Variants in PRR16 observed in about 807,000 individuals in gnomAD.
The protein encoded by PRR16 is protein Largen.
PRR16 carries 6 observed loss-of-function variants against 18.2 expected under a neutral mutation model. The ratio of observed to expected loss-of-function variants is 0.33; its 90% CI spans 0.18 to 0.65. The LOEUF (loss-of-function observed/expected upper bound fraction) is 0.65. PRR16 is among the 30% of genes least tolerant of loss of function. The pLI, the probability that PRR16 is intolerant of heterozygous loss-of-function variation, is 0.74. For missense variants in PRR16, 412 were observed against 376.6 expected (o/e 1.09, Z -0.78); for synonymous variants, 151 against 147.8 (o/e 1.02, Z -0.16).
chr5:120,639,607 T>C (rs1389262369), intron 1 of PRR16, among the ~76,000 whole-genome samples: 1 of 151,858 alleles, frequency 6.6e-6, no homozygotes, highest in African/African-American at 2.4e-5. Context: ...CTCATACCAG[T>C]CAGAATGGCT....
chr5:120,783,269 G>A, the PRR16 span, among the ~76,000 whole-genome samples: 18 of 152,204 alleles, frequency 1.2e-4, no homozygotes, highest in East Asian at 9.6e-4. Context: ...GAAATGAAAC[G>A]TTTTTTCTAA....
chr5:120,550,468 C>T (rs868228880), intron 1 of PRR16, among the ~76,000 whole-genome samples: 1 of 152,028 alleles, frequency 6.6e-6, no homozygotes, highest in Non-Finnish European at 1.5e-5. Flanking sequence ...AGCAGCTACA[C>T]TCCTATTCCA....
intron 1 of PRR16, among the ~76,000 whole-genome samples, chr5:120,528,223 T>C (rs1385113989): frequency 6.6e-6 from 1 of 152,130 alleles, no homozygotes; most frequent in East Asian, 1.9e-4. Context: ...AAATATGTCA[T>C]CAACCAGGAC....
intron 1 of PRR16, among the ~76,000 whole-genome samples, chr5:120,608,936 C>T (rs1352658995): frequency 6.6e-6 from 1 of 152,120 alleles, no homozygotes; most frequent in African/African-American, 2.4e-5. Flanking sequence ...AGAAAGGTGT[C>T]CCAAAGAGGG....
chr5:120,500,345 C>G (rs1381172667), intron 1 of PRR16, among the ~76,000 whole-genome samples: 3 of 152,248 alleles, frequency 2.0e-5, no homozygotes, highest in Admixed American at 1.3e-4. Context: ...CTTGAAGTCC[C>G]TAGCTTGTCT....
At chr5:120,659,894 T>C (rs997639724) in intron 1 of PRR16, among the ~76,000 whole-genome samples, 8 of 152,024 alleles carry the variant, frequency 5.3e-5, no homozygotes, top group Admixed American at 4.6e-4. Flanking sequence ...TGAAACACCT[T>C]CACATTTTGG....
intron 1 of PRR16, among the ~76,000 whole-genome samples, chr5:120,516,515 G>A (rs897344081): frequency 2.9e-4 from 34 of 117,264 alleles, no homozygotes; most frequent in East Asian, 2.0e-3. Context: ...ACACACACAC[G>A]CATATACATT....
At chr5:120,541,876 C>G (rs1172001425) in intron 1 of PRR16, among the ~76,000 whole-genome samples, 1 of 151,906 alleles carries the variant, frequency 6.6e-6, no homozygotes, top group African/African-American at 2.4e-5. Context: ...TTCCTATTCT[C>G]TTGATCATTT....
intron 1 of PRR16, among the ~76,000 whole-genome samples, chr5:120,542,608 A>C (rs1175971522): frequency 6.6e-6 from 1 of 152,176 alleles, no homozygotes; most frequent in Non-Finnish European, 1.5e-5. Context: ...TAAAAACAAA[A>C]ACAGACAAAA....
rs1430481412 is a variant in PRR16, at chr5:120,546,377, C to G, written c.159+81732C>G. On this transcript the variant is annotated intron_variant, in intron 1 of 1. Transcript: ENST00000407149. ...AGTTGTTGCTCCATAGTGCTCCCTCCCTACCACTCAAAGTCTCTCCCCAGT... is the reference window on the plus strand; with the variant it reads ...AGTTGTTGCTCCATAGTGCTCCCTCGCTACCACTCAAAGTCTCTCCCCAGT... Among the ~76,000 whole-genome samples, 3 of 152,030 alleles carry G rather than the reference C, an allele frequency of 2.0e-5. No individual in the cohort carries two copies. In the East Asian group the frequency reaches 5.8e-4, roughly 29 times the overall value.
At chr5:120,754,560 TATATA>T in the PRR16 span, among the ~76,000 whole-genome samples, 33 of 66,550 alleles carry the variant, frequency 5.0e-4, no homozygotes, top group Middle Eastern at 0.015. Context: ...TAATATATAT[TATATA>T]ATATATTTAT....
intron 1 of PRR16, among the ~76,000 whole-genome samples, chr5:120,586,184 A>AG (rs1213556621): frequency 1.3e-5 from 2 of 151,718 alleles, no homozygotes; most frequent in Non-Finnish European, 2.9e-5. Flanking sequence ...AAAAAAAAAA[A>AG]TATGTTTTTG....
chr5:120,688,744 C>T (rs572903306), downstream of PRR16, among the ~76,000 whole-genome samples: 67 of 152,276 alleles, frequency 4.4e-4, no homozygotes, highest in African/African-American at 1.5e-3. Context: ...TTTTCGATGT[C>T]GGGGATCCAA....
At chr5:120,677,671 A>C (rs112413552) in intron 1 of PRR16, among the ~76,000 whole-genome samples, 152 of 152,268 alleles carry the variant, frequency 1.0e-3, no homozygotes, top group African/African-American at 3.3e-3. Context: ...TGTTATTGCA[A>C]ATTCTTGTGG....
At chr5:120,537,769 G>GTTATTTTTTTT (rs1561536413) in intron 1 of PRR16, among the ~76,000 whole-genome samples, 1 of 115,198 alleles carries the variant, frequency 8.7e-6, no homozygotes. Context: ...AATTTTTAAT[G>GTTATTTTTTTT]TTTTTTTTTT....
intron 1 of PRR16, among the ~76,000 whole-genome samples, chr5:120,488,879 T>A (rs183731726): frequency 0.013 from 2,024 of 152,352 alleles, 17 homozygotes; most frequent in Middle Eastern, 0.11. Flanking sequence ...TCAAAGAACA[T>A]CTTTATTTCT....
chr5:120,760,347 A>G, the PRR16 span, among the ~76,000 whole-genome samples: 1 of 152,184 alleles, frequency 6.6e-6, no homozygotes, highest in Non-Finnish European at 1.5e-5. Context: ...ATAGAATTAT[A>G]CAATATACCC....
chr5:120,776,232 A>G, the PRR16 span, among the ~76,000 whole-genome samples: 1 of 152,086 alleles, frequency 6.6e-6, no homozygotes, highest in South Asian at 2.1e-4. Context: ...CATCCTTCAT[A>G]AGGAAGCTGG....
In PRR16 at chr5:120,633,720, TAAA is replaced by T. The variant is rs1755135057; in HGVS notation, c.160-52232_160-52230del. ...CCTAAAACTGGAGGTCCCAAATTTG[TAAA>T]ACAGTTACTACTAGACCTAAGAAAT... On this transcript the variant is annotated intron_variant, in intron 1 of 1. Coordinates refer to ENST00000407149, the MANE Select transcript of PRR16 (RefSeq NM_001300783.2). Among the ~76,000 whole-genome samples the T allele has an allele frequency of 2.7e-5, 4 of 150,236 alleles. No individual in the cohort carries two copies. The Admixed American group carries it at 2.7e-4, about 10-fold the overall frequency.
Sources: allele counts gnomAD v4.1 joint callset (sites outside exome capture counted in the v4.1 genomes callset), GRCh38; gene constraint gnomAD v4.1.1; transcripts MANE v1.5; gene names NCBI Gene and HGNC (gene_info 2026-07-23, HGNC 2026-07-21).